Variants in CYB5A observed in about 807,000 individuals in gnomAD.
The protein encoded by CYB5A is cytochrome b5 type A.
Under a neutral mutation model 16.2 loss-of-function variants are expected in CYB5A, and 10 were observed. The ratio of observed to expected loss-of-function variants is 0.62; its 90% CI spans 0.38 to 1.04. The LOEUF (loss-of-function observed/expected upper bound fraction) is 1.04, where lower values mean the gene tolerates loss of function less well. Ranked by LOEUF, CYB5A falls within the 50% of genes least tolerant of loss-of-function variation. The pLI is 0.01. For missense variants in CYB5A, 161 were observed against 165.9 expected (o/e 0.97, Z 0.16); for synonymous variants, 62 against 57.0 (o/e 1.09, Z -0.40).
intron 1 of CYB5A, among the ~76,000 whole-genome samples, chr18:74,272,885 G>A (rs1982724936): frequency 6.6e-6 from 1 of 152,152 alleles, no homozygotes. Flanking sequence ...TCACGCCACT[G>A]CACTCCAGCC....
chr18:74,271,029 T>C (rs924990914), intron 1 of CYB5A, among the ~76,000 whole-genome samples: 1 of 152,218 alleles, frequency 6.6e-6, no homozygotes, highest in Non-Finnish European at 1.5e-5. Flanking sequence ...TGATGGGAAC[T>C]TTCCCTCTCA....
At chr18:74,265,210 C>G (rs554666841) in intron 1 of CYB5A, among the ~76,000 whole-genome samples, 1 of 151,744 alleles carries the variant, frequency 6.6e-6, no homozygotes, top group East Asian at 1.9e-4. Context: ...GACATCCACT[C>G]TTTTTTTTTC....
intron 1 of CYB5A, among the ~76,000 whole-genome samples, chr18:74,275,912 G>A (rs1022322637): frequency 1.3e-5 from 2 of 152,210 alleles, no homozygotes; most frequent in Admixed American, 6.5e-5. Flanking sequence ...GGTGGCCAGG[G>A]AGGACCCGGC....
chr18:74,269,011 G>A (rs1982560578), intron 1 of CYB5A, among the ~76,000 whole-genome samples: 1 of 152,118 alleles, frequency 6.6e-6, no homozygotes, highest in African/African-American at 2.4e-5. Flanking sequence ...TTTGCTTTTT[G>A]CATCTATAAA....
intron 1 of CYB5A, among the ~76,000 whole-genome samples, chr18:74,276,528 G>GCACACACA (rs57747358): frequency 0.046 from 6,597 of 144,946 alleles, 177 homozygotes; most frequent in Admixed American, 0.074. Flanking sequence ...AAAAGATTCA[G>GCACACACA]CACACACACA....
In CYB5A at chr18:74,285,886, A is replaced by T. The variant is rs918805167; in HGVS notation, c.129+5861T>A. Reference sequence around the variant, plus strand: ...AAAAAGTAGAAGTGTACATCCTTTCACCCAAGAATCCCACTTACAAAGATC... The same window carrying T: ...AAAAAGTAGAAGTGTACATCCTTTCTCCCAAGAATCCCACTTACAAAGATC... On this transcript the variant is annotated intron_variant, in intron 1 of 4. Transcript: ENST00000340533. Among the ~76,000 whole-genome samples the T allele has an allele frequency of 1.3e-4, 20 of 150,818 alleles. No homozygotes were observed. The South Asian group carries it at 1.9e-3, about 14-fold the overall frequency.
chr18:74,270,807 G>T (rs1469892456), intron 1 of CYB5A, among the ~76,000 whole-genome samples: 2 of 152,118 alleles, frequency 1.3e-5, no homozygotes, highest in Non-Finnish European at 2.9e-5. Flanking sequence ...TGGTATCGAG[G>T]GAGGTCCTAG....
chr18:74,253,749 A>G, intron 4 of CYB5A, 84 bp from the exon 5 acceptor site: 1 of 930,224 alleles, frequency 1.1e-6, no homozygotes, highest in Non-Finnish European at 1.7e-6. Flanking sequence ...ACAGAAAATT[A>G]CCAGGGCATG....
At chr18:74,255,898 G>T in intron 3 of CYB5A, 123 bp from the exon 4 acceptor site, 4 of 758,488 alleles carry the variant, frequency 5.3e-6, no homozygotes, top group South Asian at 1.6e-5. Flanking sequence ...AGAAGATGTC[G>T]AAAGGGAAAA....
At chr18:74,277,904 A>G (rs143753361) in intron 1 of CYB5A, among the ~76,000 whole-genome samples, 10 of 152,310 alleles carry the variant, frequency 6.6e-5, no homozygotes, top group African/African-American at 2.2e-4. Context: ...CCCAGACTGG[A>G]AGAGAGCACC....
At chr18:74,281,628 G>A (rs536348176) in intron 1 of CYB5A, among the ~76,000 whole-genome samples, 108 of 152,280 alleles carry the variant, frequency 7.1e-4, no homozygotes, top group African/African-American at 2.5e-3. Context: ...TGGTTTAAAA[G>A]GGAATGGAGG....
At chr18:74,290,280 T>C (rs537170068) in intron 1 of CYB5A, among the ~76,000 whole-genome samples, 2 of 152,304 alleles carry the variant, frequency 1.3e-5, no homozygotes, top group Admixed American at 1.3e-4. Context: ...AGTCTCACTC[T>C]GTCCCCCAGG....
At chr18:74,287,160 G>A (rs1454219514) in intron 1 of CYB5A, among the ~76,000 whole-genome samples, 1 of 151,544 alleles carries the variant, frequency 6.6e-6, no homozygotes, top group Non-Finnish European at 1.5e-5. Flanking sequence ...TAATTTCTAA[G>A]TTTTATTTAC....
intron 1 of CYB5A, among the ~76,000 whole-genome samples, chr18:74,271,847 G>A (rs1442265289): frequency 6.6e-6 from 1 of 152,136 alleles, no homozygotes; most frequent in Non-Finnish European, 1.5e-5. Flanking sequence ...GCAAGGAGAG[G>A]CCAACATAAA....
chr18:74,290,313 C>T (rs970434621), intron 1 of CYB5A, among the ~76,000 whole-genome samples: 3 of 152,092 alleles, frequency 2.0e-5, no homozygotes, highest in Non-Finnish European at 4.4e-5. Context: ...GGTGCGATTT[C>T]GGCTCACTGC....
chr18:74,271,383 C>A (rs79384925), intron 1 of CYB5A, among the ~76,000 whole-genome samples: 15,315 of 152,220 alleles, frequency 0.1, 1,013 homozygotes, highest in Admixed American at 0.17. Context: ...ATTTGAGTGA[C>A]TTTCCCTGAG....
chr18:74,283,996 GC>G (rs567619476), intron 1 of CYB5A, among the ~76,000 whole-genome samples: 150 of 152,270 alleles, frequency 9.9e-4, no homozygotes, highest in African/African-American at 3.5e-3. Flanking sequence ...ACTTTGGGAG[GC>G]CGAGGCGAGT....
Position 74,253,476 on chromosome 18 carries a change from A to C in CYB5A, c.*108T>G. On this transcript the variant is annotated 3_prime_UTR_variant, in exon 5 of 5. Transcript: ENST00000340533. ...GAAGAAAAAGAAAGAGATATATTAA[A>C]ATCATTGTTTTCAAGTGAAGGTTTC... 1.4e-6 allele frequency: 1 copy of C among 711,118 alleles called. No homozygotes were observed. Among genetic ancestry groups the C allele is most frequent in the South Asian group, 1.5e-5 (1 of 65,552 alleles). The allele number at this position is 711,118 out of a possible 1,614,324, so 44.1% of individuals were successfully genotyped here. A position where few individuals can be genotyped will look rare whatever the true frequency, so the allele number is the denominator to read the frequency against.
intron 1 of CYB5A, among the ~76,000 whole-genome samples, chr18:74,284,932 C>G (rs547059328): frequency 6.6e-6 from 1 of 152,194 alleles, no homozygotes; most frequent in African/African-American, 2.4e-5. Flanking sequence ...ACAGCAAGAA[C>G]GGAGCTGTCC....
Sources: allele counts gnomAD v4.1 joint callset (sites outside exome capture counted in the v4.1 genomes callset), GRCh38; gene constraint gnomAD v4.1.1; transcripts MANE v1.5; gene names NCBI Gene and HGNC (gene_info 2026-07-23, HGNC 2026-07-21).